The following SLC9C2 variants were observed in gnomAD, a reference collection of about 807,000 sequenced individuals.
SLC9C2 encodes the protein solute carrier family 9 member C2 (putative).
SLC9C2 carries 75 observed loss-of-function variants against 140.2 expected under a neutral mutation model. That is an observed-to-expected ratio of 0.53 (90% CI 0.44 to 0.65). The LOEUF (loss-of-function observed/expected upper bound fraction) is 0.65. Among genes scored for constraint, SLC9C2 ranks in the 30% least tolerant of loss-of-function variants. The probability of loss-of-function intolerance (pLI) is 0.00; values close to 1 mark genes in which losing one functional copy is unlikely to be tolerated. For synonymous variants in SLC9C2, 375 were observed against 420.9 expected, an observed-to-expected ratio of 0.89 and a Z score of 1.34; for missense variants, 1,074 against 1,331.8, an observed-to-expected ratio of 0.81 and a Z score of 3.01.
Position 173,581,857 on chromosome 1 carries a change from A to G in SLC9C2, c.792T>C (p.Thr264=). Residue 264 remains threonine (T), a synonymous_variant, in exon 7 of 28, where the codon ACT becomes ACC. Coordinates refer to ENST00000367714, the MANE Select transcript of SLC9C2 (RefSeq NM_178527.4). ...TTATTTCAGCCTTACCAATATAGAA[A>G]GTCATGTACACCATTGAAAAGCAGA... is the stretch of plus-strand genomic sequence containing the variant. The part of the protein sequence containing the change: ...IILCFSMVYM[T]FYIVEFLGMS... 5 of 1,557,132 alleles carry G rather than the reference A, an allele frequency of 3.2e-6. No homozygotes were observed. Among genetic ancestry groups the G allele is most frequent in the Non-Finnish European group, 4.4e-6 (5 of 1,146,170 alleles).
Position 173,510,633 on chromosome 1 carries a change from A to G in SLC9C2, c.2908-934T>C, listed in dbSNP as rs143052231. Among the ~76,000 whole-genome samples, 626 of 152,162 alleles carry G rather than the reference A, an allele frequency of 4.1e-3. 4 individuals are homozygous for G. Among genetic ancestry groups the G allele is most frequent in the African/African-American group, 0.013 (553 of 41,500 alleles). Reference sequence around the variant, plus strand: ...AGTTTGCTGAGGATGGCGGCTTCCAATTTCATCTATGTCCCTGCAAAGGAC... The same window carrying G: ...AGTTTGCTGAGGATGGCGGCTTCCAGTTTCATCTATGTCCCTGCAAAGGAC... On this transcript the variant is annotated intron_variant, in intron 23 of 27. Coordinates refer to ENST00000367714, the MANE Select transcript of SLC9C2 (RefSeq NM_178527.4).
At chr1:173,513,310 G>T (rs1406522064) in intron 23 of SLC9C2, among the ~76,000 whole-genome samples, 1 of 152,044 alleles carries the variant, frequency 6.6e-6, no homozygotes, top group Non-Finnish European at 1.5e-5. Flanking sequence ...TTTTTGGTTG[G>T]CAGGCTATTA....
chr1:173,536,854 A>G (rs1046858871), intron 14 of SLC9C2, 88 bp downstream of exon 14: 2 of 925,522 alleles, frequency 2.2e-6, no homozygotes, highest in South Asian at 1.4e-5. Flanking sequence ...AGATTGATCA[A>G]TCAGGACATT....
At chr1:173,564,424 A>G (rs1402751459) in intron 9 of SLC9C2, among the ~76,000 whole-genome samples, 1 of 152,090 alleles carries the variant, frequency 6.6e-6, no homozygotes, top group Admixed American at 6.5e-5. Context: ...ATCTTACTGT[A>G]GTTTTGAGCT....
chr1:173,526,516 T>C (rs2101968197), intron 19 of SLC9C2, 147 bp downstream of exon 19: 1 of 709,928 alleles, frequency 1.4e-6, no homozygotes, highest in Non-Finnish European at 2.4e-6. Flanking sequence ...TGCTTTCCCA[T>C]ACCTGGCCCA....
chr1:173,533,448 T>A (rs9919176), intron 17 of SLC9C2, among the ~76,000 whole-genome samples, 161 bp downstream of exon 17: 10,761 of 152,068 alleles, frequency 0.071, 1,279 homozygotes, highest in African/African-American at 0.24. Flanking sequence ...CCAGCTAATT[T>A]ATTAATTTTT....
intron 4 of SLC9C2, among the ~76,000 whole-genome samples, chr1:173,589,193 CA>C (rs1165346153): frequency 6.6e-6 from 1 of 152,172 alleles, no homozygotes; most frequent in Non-Finnish European, 1.5e-5. Flanking sequence ...GTTTGGGTCT[CA>C]TTTTTTTTGG....
At chr1:173,579,901 G>A (rs897631335) in intron 7 of SLC9C2, among the ~76,000 whole-genome samples, 1 of 152,132 alleles carries the variant, frequency 6.6e-6, no homozygotes, top group Non-Finnish European at 1.5e-5. Flanking sequence ...CTACCTGCCT[G>A]CCCTCAATTC....
Position 173,557,382 on chromosome 1 carries a change from A to C in SLC9C2, c.1173T>G (p.Asp391Glu). 1 of 1,613,962 alleles carries C rather than the reference A, an allele frequency of 6.2e-7. No individual in the cohort carries two copies. The highest frequency in any genetic ancestry group is 8.5e-7 in the Non-Finnish European group (1 of 1,179,960). ...CTTTTCGTTCAGCGAGATTATAAAC[A>C]TCAGGAGCCCAGAGTAAATTAAAAA... ...KGVFNLLWAP[D>E]VYNLAERKVE... The change falls in exon 10 of 28, where the codon GAT (aspartate) becomes GAG (glutamate). Residue 391 changes from aspartate (D) to glutamate (E), a missense_variant. Transcript: ENST00000367714.
In SLC9C2 at chr1:173,532,521, A is replaced by G. The variant is rs191161010; in HGVS notation, c.2163+1088T>C. ...AATTGTTAAGGAAATTGAAGGCCAC[A>G]GTAAAATTAAATTCCATAGGTAGTA... is the stretch of plus-strand genomic sequence containing the variant. On this transcript the variant is annotated intron_variant, in intron 17 of 27. Coordinates refer to ENST00000367714, the MANE Select transcript of SLC9C2 (RefSeq NM_178527.4). Among the ~76,000 whole-genome samples, 337 of 152,376 alleles carry G rather than the reference A, an allele frequency of 2.2e-3. 4 individuals carry two copies. The highest frequency in any genetic ancestry group is 7.8e-3 in the African/African-American group (326 of 41,592).
intron 10 of SLC9C2, among the ~76,000 whole-genome samples, chr1:173,556,119 C>T (rs941698060): frequency 1.9e-4 from 29 of 152,176 alleles, no homozygotes; most frequent in African/African-American, 6.5e-4. Context: ...ATCATTCAAG[C>T]GGTTTTCCCC....
chr1:173,526,292 C>T (rs1461306588), intron 19 of SLC9C2, among the ~76,000 whole-genome samples: 6 of 152,300 alleles, frequency 3.9e-5, no homozygotes, highest in Admixed American at 3.9e-4. Flanking sequence ...GAAACAAAAC[C>T]ATTTTGTCAA....
At chr1:173,537,703 A>C (rs1662079955) in intron 13 of SLC9C2, among the ~76,000 whole-genome samples, 1 of 152,174 alleles carries the variant, frequency 6.6e-6, no homozygotes. Flanking sequence ...CAGTAGCATC[A>C]TCTTTCTACA....
At chr1:173,562,194 T>C (rs1179378158) in intron 9 of SLC9C2, among the ~76,000 whole-genome samples, 2 of 152,198 alleles carry the variant, frequency 1.3e-5, no homozygotes, top group Non-Finnish European at 2.9e-5. Flanking sequence ...CCTAGAAGTG[T>C]TGACTGCAAC....
rs369318914 is a variant in SLC9C2 at position 173,545,239 on chromosome 1, A to C, written c.1557+2450T>G. Reference sequence around the variant, plus strand: ...TGTGAAGTGGGGCGGACTAAACCAGAGTCATGGAAAACAAACAATTTTTAC... The same window carrying C: ...TGTGAAGTGGGGCGGACTAAACCAGCGTCATGGAAAACAAACAATTTTTAC... On this transcript the variant is annotated intron_variant, in intron 13 of 27. Transcript: ENST00000367714. Among the ~76,000 whole-genome samples, 17 of 152,338 alleles carry C rather than the reference A, an allele frequency of 1.1e-4. No homozygotes were observed. In the East Asian group the frequency reaches 2.5e-3, roughly 22 times the overall value.
intron 13 of SLC9C2, among the ~76,000 whole-genome samples, chr1:173,545,280 T>C (rs969946054): frequency 4.2e-4 from 64 of 152,186 alleles, no homozygotes; most frequent in African/African-American, 1.4e-3. Flanking sequence ...TTGTGCTAGA[T>C]TGGACAAAAA....
At chr1:173,509,448 A>G (rs1331096388) in intron 24 of SLC9C2, 120 bp downstream of exon 24, 7 of 1,015,104 alleles carry the variant, frequency 6.9e-6, no homozygotes, top group Non-Finnish European at 9.4e-6. Context: ...CTGTCTCAAA[A>G]AAAAAAAAAA....
chr1:173,600,305 G>A (rs1308260262), intron 2 of SLC9C2, 88 bp from the exon 3 acceptor site: 1 of 716,442 alleles, frequency 1.4e-6, no homozygotes. Context: ...CCCAAAGTAA[G>A]TCAAGACCTT....
At chr1:173,536,906 T>C in intron 14 of SLC9C2, 36 bp downstream of exon 14, 1 of 1,386,986 alleles carries the variant, frequency 7.2e-7, no homozygotes, top group South Asian at 1.2e-5. Flanking sequence ...AGTCATTCAA[T>C]TTTGGAAATA....
Sources: allele counts gnomAD v4.1 joint callset (sites outside exome capture counted in the v4.1 genomes callset), GRCh38; gene constraint gnomAD v4.1.1; transcripts MANE v1.5; gene names NCBI Gene and HGNC (gene_info 2026-07-23, HGNC 2026-07-21).